CDC14B: variants seen among roughly 807,000 people sequenced by gnomAD.
CDC14B encodes the protein dual specificity protein phosphatase CDC14B.
Under a neutral mutation model 64.2 loss-of-function variants are expected in CDC14B, and 22 were observed. That is an observed-to-expected ratio of 0.34 (90% CI 0.24 to 0.49). The LOEUF (loss-of-function observed/expected upper bound fraction) is 0.49, where lower values mean the gene tolerates loss of function less well. CDC14B is among the 20% of genes least tolerant of loss of function. The pLI, the probability that CDC14B is intolerant of heterozygous loss-of-function variation, is 0.99. For missense variants in CDC14B, 498 were observed against 629.9 expected (o/e 0.79, Z 2.24); for synonymous variants, 191 against 215.8 (o/e 0.89, Z 1.01).
downstream of CDC14B, among the ~76,000 whole-genome samples, chr9:96,499,290 GGAACTGGGTA>G (rs2131197917): frequency 1.3e-5 from 2 of 152,348 alleles, no homozygotes; most frequent in East Asian, 3.9e-4. Context: ...GCTCCTTGGG[GGAACTGGGTA>G]GAACTCGACA....
At chr9:96,574,209 T>G (rs1844653426) in intron 1 of CDC14B, among the ~76,000 whole-genome samples, 1 of 151,278 alleles carries the variant, frequency 6.6e-6, no homozygotes, top group South Asian at 2.1e-4. Flanking sequence ...TTAGAAGAAT[T>G]TAGGCAGTAT....
intron 1 of CDC14B, among the ~76,000 whole-genome samples, chr9:96,608,832 T>C (rs547040151): frequency 6.6e-6 from 1 of 152,174 alleles, no homozygotes; most frequent in Non-Finnish European, 1.5e-5. Context: ...CATATACTTA[T>C]ATATGATCAG....
At chr9:96,604,467 G>A (rs1329941143) in intron 1 of CDC14B, among the ~76,000 whole-genome samples, 1 of 150,784 alleles carries the variant, frequency 6.6e-6, no homozygotes, top group African/African-American at 2.4e-5. Flanking sequence ...CACAACCTCC[G>A]CCTCCCGGGA....
chr9:96,520,650 A>T (rs1422935028), intron 12 of CDC14B, among the ~76,000 whole-genome samples: 1 of 152,232 alleles, frequency 6.6e-6, no homozygotes, highest in Non-Finnish European at 1.5e-5. Flanking sequence ...GCAACAAAAT[A>T]TTAAAACATA....
chr9:96,613,422 C>T (rs1847440485), intron 1 of CDC14B, among the ~76,000 whole-genome samples: 1 of 152,190 alleles, frequency 6.6e-6, no homozygotes, highest in East Asian at 1.9e-4. Context: ...GCATCAGTAC[C>T]ATTTCTGCAA....
intron 1 of CDC14B, among the ~76,000 whole-genome samples, chr9:96,577,356 C>T (rs1844875786): frequency 6.6e-6 from 1 of 151,682 alleles, no homozygotes; most frequent in African/African-American, 2.4e-5. Flanking sequence ...AATAATGGGA[C>T]ATTAAAAGAA....
At chr9:96,603,508 C>T (rs2118871391) in intron 1 of CDC14B, among the ~76,000 whole-genome samples, 1 of 152,278 alleles carries the variant, frequency 6.6e-6, no homozygotes, top group Non-Finnish European at 1.5e-5. Flanking sequence ...CTGGCTGTAC[C>T]ACAAGTGCAG....
At chr9:96,530,409 T>TA (rs1838277311) in intron 9 of CDC14B, among the ~76,000 whole-genome samples, 1 of 151,334 alleles carries the variant, frequency 6.6e-6, no homozygotes, top group African/African-American at 2.4e-5. Context: ...TCTCCTGCCT[T>TA]AGCATGCGCC....
At chr9:96,551,944 A>G in intron 4 of CDC14B, 72 bp from the exon 5 acceptor site, 2 of 1,525,058 alleles carry the variant, frequency 1.3e-6, no homozygotes, top group Non-Finnish European at 1.8e-6. Context: ...TGCGAAGTAA[A>G]TTTTGTCCAA....
chr9:96,575,121 G>C (rs1588016850), intron 1 of CDC14B, among the ~76,000 whole-genome samples: 2 of 152,322 alleles, frequency 1.3e-5, no homozygotes, highest in South Asian at 4.1e-4. Flanking sequence ...GTCCTCCGGA[G>C]ATAAGAGGGT....
rs554786322 is a variant in CDC14B at position 96,495,086 on chromosome 9, A to G, written c.*80+1121T>C. Among the ~76,000 whole-genome samples, 168 of 151,906 alleles carry G rather than the reference A, an allele frequency of 1.1e-3. 1 individual carries two copies. The highest frequency in any genetic ancestry group is 1.5e-3 in the Admixed American group (23 of 15,252). ...CCTGACCTCATGATCCACCTGCCTC[A>G]GCCTCCCAAAGTGCTGGGATTACAG... On this transcript the variant is annotated intron_variant and NMD_transcript_variant, in intron 13 of 13. Coordinates refer to the CDC14B transcript ENST00000474602.
At chr9:96,559,098 A>G (rs1331688666) in intron 4 of CDC14B, among the ~76,000 whole-genome samples, 1 of 152,334 alleles carries the variant, frequency 6.6e-6, no homozygotes, top group Non-Finnish European at 1.5e-5. Context: ...GGGCATGTCA[A>G]TTCATATTTT....
chr9:96,584,017 G>A (rs185864968), intron 1 of CDC14B, among the ~76,000 whole-genome samples: 2 of 152,080 alleles, frequency 1.3e-5, no homozygotes, highest in African/African-American at 4.8e-5. Flanking sequence ...CGCGCCTGGC[G>A]GTTGTGAGGA....
At position 96,618,640 on chromosome 9, in the gene CDC14B, G is replaced by A. The variant is rs371362709; in HGVS notation, c.160+579C>T. The A allele has an allele frequency of 1.1e-3, 561 of 527,166 alleles. 4 individuals carry two copies. The highest frequency in any genetic ancestry group is 1.0e-2 in the African/African-American group (519 of 51,952). The allele number at this position is 527,166 out of a possible 1,614,324, so 32.7% of individuals were successfully genotyped here. ...GGAGGCGGAGGCGTTCGGGGGGCGC[G>A]CTAGGGGGCAGGGCGCGGGAGGCCC... On this transcript the variant is annotated intron_variant, in intron 1 of 13. Transcript: ENST00000375241.
intron 1 of CDC14B, among the ~76,000 whole-genome samples, chr9:96,593,933 T>A (rs992656581): frequency 1.3e-5 from 2 of 152,062 alleles, no homozygotes; most frequent in African/African-American, 4.8e-5. Context: ...ACCTCACAAC[T>A]GAGTAAACTT....
At chr9:96,519,855 G>C (rs750004678) in intron 12 of CDC14B, among the ~76,000 whole-genome samples, 6 of 151,524 alleles carry the variant, frequency 4.0e-5, no homozygotes, top group Non-Finnish European at 5.9e-5. Context: ...TGCATGTACT[G>C]TATTTTCATA....
chr9:96,546,436 ATT>A (rs111518660), intron 5 of CDC14B, among the ~76,000 whole-genome samples: 23 of 138,062 alleles, frequency 1.7e-4, no homozygotes, highest in African/African-American at 2.4e-4. Flanking sequence ...GAGACAGAGA[ATT>A]TTTTTTTTTT....
intron 1 of CDC14B, among the ~76,000 whole-genome samples, chr9:96,595,853 G>A (rs1331777631): frequency 1.3e-5 from 2 of 152,118 alleles, no homozygotes; most frequent in East Asian, 3.9e-4. Context: ...TTTTTGAGGG[G>A]ATAATGAAAA....
chr9:96,582,788 T>C (rs985669628), intron 1 of CDC14B, among the ~76,000 whole-genome samples: 2 of 152,250 alleles, frequency 1.3e-5, no homozygotes, highest in Non-Finnish European at 2.9e-5. Flanking sequence ...TGCTGTATAA[T>C]TAAACTCTCA....
Sources: gnomAD v4.1 joint callset for allele counts (sites outside exome capture counted in the v4.1 genomes callset) on GRCh38, gnomAD v4.1.1 for gene constraint, MANE v1.5 for transcripts, NCBI Gene and HGNC (gene_info 2026-07-23, HGNC 2026-07-21) for gene names.